The following KANSL1L variants were observed in gnomAD, a reference collection of about 807,000 sequenced individuals.
The protein encoded by KANSL1L is KAT8 regulatory NSL complex subunit 1 like, also known as KAT8 regulatory NSL complex subunit 1-like protein.
A neutral mutation model predicts 108.6 loss-of-function variants in KANSL1L; 25 were observed. The ratio of observed to expected loss-of-function variants is 0.23; its 90% CI spans 0.17 to 0.32. The LOEUF is 0.32. KANSL1L is among the 10% of genes least tolerant of loss of function. The probability of loss-of-function intolerance (pLI) is 1.00; values close to 1 mark genes in which losing one functional copy is unlikely to be tolerated. For missense variants in KANSL1L, 1,137 were observed against 1,125.7 expected, an observed-to-expected ratio of 1.01 and a Z score of -0.14; for synonymous variants, 405 against 395.1, an observed-to-expected ratio of 1.03 and a Z score of -0.30.
intron 2 of KANSL1L, among the ~76,000 whole-genome samples, chr2:210,135,832 A>G (rs545161869): frequency 6.6e-6 from 1 of 152,172 alleles, no homozygotes; most frequent in Non-Finnish European, 1.5e-5. Context: ...TGCTATTAGG[A>G]TCATTTGGGC....
intron 6 of KANSL1L, among the ~76,000 whole-genome samples, chr2:210,059,235 G>A (rs903716083): frequency 6.6e-6 from 1 of 152,116 alleles, no homozygotes; most frequent in Non-Finnish European, 1.5e-5. Context: ...GCCATGGAAG[G>A]AAGCCATTCT....
At chr2:210,116,312 G>A (rs757249345) in intron 3 of KANSL1L, among the ~76,000 whole-genome samples, 2 of 152,166 alleles carry the variant, frequency 1.3e-5, no homozygotes, top group Non-Finnish European at 2.9e-5. Context: ...AGACCCACCC[G>A]GGGCTGGGGA....
At position 210,126,543 on chromosome 2, in the gene KANSL1L, G is replaced by A. The variant is rs567478706; in HGVS notation, c.1230+2488C>T. The stretch of plus-strand genomic sequence containing the variant: ...AAAACACAAATCTAGAGTTGGGCTC[G>A]GTGGCCCACACCTGTAATCCCAGCA... On this transcript the variant is annotated intron_variant, in intron 3 of 14. Coordinates refer to ENST00000281772, the MANE Select transcript of KANSL1L (RefSeq NM_152519.4). Among the ~76,000 whole-genome samples, 113 of 152,216 alleles carry A rather than the reference G, an allele frequency of 7.4e-4. 2 individuals carry two copies. In the South Asian group the frequency reaches 0.017, roughly 24 times the overall value.
chr2:210,116,033 A>G (rs1481057434), intron 3 of KANSL1L, among the ~76,000 whole-genome samples: 3 of 152,154 alleles, frequency 2.0e-5, no homozygotes, highest in Non-Finnish European at 4.4e-5. Flanking sequence ...TTCTGGACCT[A>G]CCCTGGTCCA....
chr2:210,166,025 A>G (rs919055552), intron 1 of KANSL1L, among the ~76,000 whole-genome samples: 3 of 152,162 alleles, frequency 2.0e-5, no homozygotes, highest in African/African-American at 7.2e-5. Context: ...GTTAGAAAAA[A>G]ATAAAGTATA....
At chr2:210,133,848 C>A (rs1241978465) in intron 2 of KANSL1L, among the ~76,000 whole-genome samples, 1 of 152,132 alleles carries the variant, frequency 6.6e-6, no homozygotes, top group East Asian at 1.9e-4. Context: ...ATATTTCAGA[C>A]CCACATATTT....
At chr2:210,092,463 T>C (rs568425705) in intron 5 of KANSL1L, among the ~76,000 whole-genome samples, 1 of 152,352 alleles carries the variant, frequency 6.6e-6, no homozygotes, top group East Asian at 1.9e-4. Context: ...TACTTAGTTA[T>C]TATATTCAGT....
intron 3 of KANSL1L, among the ~76,000 whole-genome samples, chr2:210,118,898 G>T (rs1458492343): frequency 6.6e-6 from 1 of 151,970 alleles, no homozygotes; most frequent in African/African-American, 2.4e-5. Context: ...AGCTGGGTGT[G>T]GTGGCTCATG....
chr2:210,075,902 G>A (rs1276418610), intron 5 of KANSL1L, 146 bp from the exon 6 acceptor site: 2 of 608,714 alleles, frequency 3.3e-6, no homozygotes, highest in South Asian at 2.3e-5. Context: ...GGTAACAATT[G>A]GTAAAATATT....
Position 210,095,985 on chromosome 2 carries a change from CA to C in KANSL1L, c.1550+2100del, listed in dbSNP as rs1388767865. Among the ~76,000 whole-genome samples the C allele has an allele frequency of 2.0e-5, 3 of 152,198 alleles. No individual in the cohort carries two copies. The East Asian group carries it at 5.8e-4, about 29-fold the overall frequency. On this transcript the variant is annotated intron_variant, in intron 5 of 14. Transcript: ENST00000281772. ...AATTAAAACACGTATCAGCACACTT[CA>C]AAAAACGTGAAGAACAAAATTTTTG...
At position 210,044,015 on chromosome 2, in the gene KANSL1L, ATTGT is replaced by A; in HGVS notation, c.1841_1844del (p.His614LeufsTer7). On this transcript the variant is annotated frameshift_variant, in exon 7 of 15. Transcript: ENST00000281772. LOFTEE classifies it high-confidence loss of function. The surrounding 1 kb of genome is among the most constrained non-coding windows in gnomAD (Gnocchi z 4.2). ...GTTCTCTTAATAGGTAAGACTCCGA[ATTGT>A]GTTCATAGCTACTCCAAGTTGAAGC... The A allele has an allele frequency of 6.2e-7, 1 of 1,609,384 alleles. No individual in the cohort carries two copies. Among genetic ancestry groups the A allele is most frequent in the Non-Finnish European group, 8.5e-7 (1 of 1,176,936 alleles).
intron 2 of KANSL1L, 130 bp downstream of exon 2, chr2:210,153,364 AT>A: frequency 5.3e-6 from 4 of 759,356 alleles, no homozygotes; most frequent in African/African-American, 1.8e-5. Context: ...AAAAATAAAA[AT>A]TAAAAAAAAA....
chr2:210,127,450 C>T lies in KANSL1L; in HGVS notation c.1230+1581G>A, dbSNP rs565009199. 2.6e-5 allele frequency among the ~76,000 whole-genome samples: 4 copies of T among 152,132 alleles called. No homozygotes were observed. In the East Asian group the frequency reaches 7.7e-4, roughly 29 times the overall value. ...AAGAAAAAGTAGACAAATGGGACTTCAGAAAAATTTTGAAAATTTGGGCAG... is the reference window on the plus strand; with the variant it reads ...AAGAAAAAGTAGACAAATGGGACTTTAGAAAAATTTTGAAAATTTGGGCAG... On this transcript the variant is annotated intron_variant, in intron 3 of 14. Transcript: ENST00000281772.
chr2:210,027,320 A>G lies in KANSL1L; in HGVS notation c.2427T>C (p.Asp809=). ...CCTCTTCTTTGCCTAAATTATATTC[A>G]TCCAAAGGCTGAAGAACAACCATCC... ...SWRMVVLQPL[D]EYNLGKEEIE... is the part of the protein sequence containing the mutation. Residue 809 remains aspartate, a synonymous_variant, in exon 12 of 15, where the codon GAT becomes GAC. Coordinates refer to ENST00000281772, the MANE Select transcript of KANSL1L (RefSeq NM_152519.4). 1 of 1,612,664 alleles carries G rather than the reference A, an allele frequency of 6.2e-7. No individual in the cohort carries two copies. The highest frequency in any genetic ancestry group is 8.5e-7 in the Non-Finnish European group (1 of 1,178,776).
intron 1 of KANSL1L, among the ~76,000 whole-genome samples, chr2:210,157,954 G>A (rs2095342818): frequency 6.6e-6 from 1 of 151,918 alleles, no homozygotes; most frequent in African/African-American, 2.4e-5. Flanking sequence ...GTAGCAAAAA[G>A]AGAAAGGGAA....
intron 1 of KANSL1L, among the ~76,000 whole-genome samples, chr2:210,160,577 C>G (rs1252952948): frequency 6.6e-6 from 1 of 152,120 alleles, no homozygotes; most frequent in African/African-American, 2.4e-5. Flanking sequence ...ATTCCAACAC[C>G]TGCAAAAATG....
chr2:210,144,116 T>C (rs2095249327), intron 2 of KANSL1L, among the ~76,000 whole-genome samples: 1 of 152,188 alleles, frequency 6.6e-6, no homozygotes, highest in Admixed American at 6.5e-5. Context: ...GGCAGGTTTC[T>C]TTCTTATTTT....
At chr2:210,125,674 C>A (rs2125526609) in intron 3 of KANSL1L, among the ~76,000 whole-genome samples, 1 of 152,088 alleles carries the variant, frequency 6.6e-6, no homozygotes, top group East Asian at 1.9e-4. Flanking sequence ...AAGGATGGTT[C>A]AGTATTAAAA....
At chr2:210,057,200 G>C (rs183907817) in intron 6 of KANSL1L, among the ~76,000 whole-genome samples, 17 of 152,232 alleles carry the variant, frequency 1.1e-4, no homozygotes, top group Admixed American at 9.8e-4. Context: ...CCAGGAATTC[G>C]AGACCAGCCT....
Sources: gnomAD v4.1 joint callset for allele counts (sites outside exome capture counted in the v4.1 genomes callset) on GRCh38, gnomAD v4.1.1 for gene constraint, Gnocchi (gnomAD v3.1) non-coding constraint, MANE v1.5 for transcripts, NCBI Gene and HGNC (gene_info 2026-07-23, HGNC 2026-07-21) for gene names.